IKBKB-DT: variants seen among roughly 807,000 people sequenced by gnomAD.
IKBKB-DT encodes IKBKB antisense RNA.
chr8:42,269,440 C>CGAAGG (rs1563280746), intron 1 of IKBKB-DT, among the ~76,000 whole-genome samples: 1 of 17,056 alleles, frequency 5.9e-5, no homozygotes, highest in Non-Finnish European at 9.8e-5. Context: ...GGAGGGGAAG[C>CGAAGG]GAGGGGAGGG....
At chr8:42,236,692 G>C (rs1446072625) in intron 3 of IKBKB-DT, among the ~76,000 whole-genome samples, 1 of 152,160 alleles carries the variant, frequency 6.6e-6, no homozygotes, top group Non-Finnish European at 1.5e-5. Flanking sequence ...AGAAGGCAGA[G>C]GTTGCGGTGA....
chr8:42,246,401 C>CA (rs1297694650), intron 3 of IKBKB-DT, among the ~76,000 whole-genome samples: 3 of 152,212 alleles, frequency 2.0e-5, no homozygotes, highest in Non-Finnish European at 4.4e-5. Context: ...GTGACTTTGT[C>CA]AGAGTTTCAC....
chr8:42,240,624 C>CAAAAAA (rs1208809199), intron 3 of IKBKB-DT, among the ~76,000 whole-genome samples: 509 of 26,394 alleles, frequency 0.019, 64 homozygotes, highest in African/African-American at 0.064. Flanking sequence ...GACTCAGTCT[C>CAAAAAA]AAAAAAAAAA....
chr8:42,238,482 C>T (rs557912556), intron 3 of IKBKB-DT, among the ~76,000 whole-genome samples: 80 of 152,246 alleles, frequency 5.3e-4, no homozygotes, highest in African/African-American at 1.9e-3. Flanking sequence ...AATGAAAGTC[C>T]ACAAGATGAG....
intron 3 of IKBKB-DT, among the ~76,000 whole-genome samples, chr8:42,260,503 C>T (rs541489948): frequency 6.6e-6 from 1 of 151,776 alleles, no homozygotes; most frequent in Non-Finnish European, 1.5e-5. Flanking sequence ...GTTTTAAACC[C>T]TACTTAAAAT....
At chr8:42,253,683 G>T (rs1563276940) in intron 3 of IKBKB-DT, among the ~76,000 whole-genome samples, 1 of 152,194 alleles carries the variant, frequency 6.6e-6, no homozygotes, top group Non-Finnish European at 1.5e-5. Context: ...AATAGCACTT[G>T]AACATAAATT....
chr8:42,263,975 A>C (rs1807330393), intron 2 of IKBKB-DT, among the ~76,000 whole-genome samples: 1 of 151,576 alleles, frequency 6.6e-6, no homozygotes, highest in African/African-American at 2.4e-5. Flanking sequence ...CTATGCCTGG[A>C]TAATTTTTGT....
At chr8:42,259,193 C>T (rs1807248697) in intron 3 of IKBKB-DT, among the ~76,000 whole-genome samples, 2 of 151,980 alleles carry the variant, frequency 1.3e-5, no homozygotes, top group African/African-American at 4.8e-5. Flanking sequence ...GTCTGACTAA[C>T]TTTGTATTTT....
chr8:42,254,949 G>A (rs1353494284), intron 3 of IKBKB-DT, among the ~76,000 whole-genome samples: 1 of 151,670 alleles, frequency 6.6e-6, no homozygotes, highest in Non-Finnish European at 1.5e-5. Context: ...GAAGTGAGGA[G>A]CATCTCTGCC....
chr8:42,237,903 T>C (rs910665021), intron 3 of IKBKB-DT, among the ~76,000 whole-genome samples: 1 of 151,370 alleles, frequency 6.6e-6, no homozygotes, highest in African/African-American at 2.4e-5. Context: ...TGCATGCCTA[T>C]AGTCCCAGCT....
chr8:42,238,317 A>G (rs1410945181), intron 3 of IKBKB-DT, among the ~76,000 whole-genome samples: 2 of 152,226 alleles, frequency 1.3e-5, no homozygotes, highest in Non-Finnish European at 2.9e-5. Context: ...TTCTAGCCTT[A>G]CAGGCTGACT....
chr8:42,252,415 G>A (rs182671278), intron 3 of IKBKB-DT, among the ~76,000 whole-genome samples: 2 of 152,310 alleles, frequency 1.3e-5, no homozygotes, highest in East Asian at 3.9e-4. Context: ...ACTCCTGCGT[G>A]TGTCTGCATC....
intron 3 of IKBKB-DT, among the ~76,000 whole-genome samples, chr8:42,260,387 C>T (rs1183798651): frequency 2.6e-5 from 4 of 152,200 alleles, no homozygotes; most frequent in East Asian, 3.9e-4. Flanking sequence ...CTTTCAAGGC[C>T]GGGCGCAGTG....
chr8:42,235,942 G>A (rs913047508), intron 3 of IKBKB-DT, among the ~76,000 whole-genome samples: 5 of 152,008 alleles, frequency 3.3e-5, no homozygotes, highest in Non-Finnish European at 5.9e-5. Context: ...TGCTTGAACC[G>A]GGTGGGGGTT....
chr8:42,257,918 GTA>G (rs545266233), intron 3 of IKBKB-DT, among the ~76,000 whole-genome samples: 21 of 151,482 alleles, frequency 1.4e-4, no homozygotes, highest in Admixed American at 1.3e-3. Context: ...TTACAGAAAG[GTA>G]TACAGTTTTC....
At chr8:42,242,929 G>T (rs566186831) in intron 3 of IKBKB-DT, among the ~76,000 whole-genome samples, 1 of 152,340 alleles carries the variant, frequency 6.6e-6, no homozygotes, top group Admixed American at 6.5e-5. Context: ...TCTGTCAGTT[G>T]CTACTTGCAG....
At chr8:42,258,914 T>G (rs1390947718) in intron 3 of IKBKB-DT, among the ~76,000 whole-genome samples, 1 of 152,236 alleles carries the variant, frequency 6.6e-6, no homozygotes, top group Non-Finnish European at 1.5e-5. Context: ...TCACTAGAAA[T>G]TAAGCAATCA....
chr8:42,258,231 A>G (rs1287705140), intron 3 of IKBKB-DT, among the ~76,000 whole-genome samples: 1 of 152,212 alleles, frequency 6.6e-6, no homozygotes, highest in Non-Finnish European at 1.5e-5. Context: ...TGAGATCCTT[A>G]TAATAAATTG....
At position 42,269,144 on chromosome 8, in the gene IKBKB-DT, C is replaced by A. The variant is rs1027232028; in HGVS notation, n.603+1507G>T. On this transcript the variant is annotated intron_variant and non_coding_transcript_variant, in intron 1 of 3. Transcript: ENST00000518213. ...AAGTCTGAGCAACATAGTGAGACCC[C>A]CATGTCAACAAAATAAAATTTAAAA... 2.0e-5 allele frequency among the ~76,000 whole-genome samples: 3 copies of A among 150,764 alleles called. No individual in the cohort carries two copies. In the East Asian group the frequency reaches 6.1e-4, roughly 31 times the overall value.
Sources: gnomAD v4.1 joint callset for allele counts (sites outside exome capture counted in the v4.1 genomes callset) on GRCh38, gnomAD v4.1.1 for gene constraint, MANE v1.5 for transcripts, NCBI Gene and HGNC (gene_info 2026-07-23, HGNC 2026-07-21) for gene names.